PARP12: variants seen among roughly 807,000 people sequenced by gnomAD.
The protein encoded by PARP12 is poly(ADP-ribose) polymerase family member 12, also known as protein mono-ADP-ribosyltransferase PARP12.
Under a neutral mutation model 72.4 loss-of-function variants are expected in PARP12, and 59 were observed. The observed-to-expected ratio is 0.81, with a 90% CI of 0.66 to 1.01. PARP12 has a LOEUF of 1.01. PARP12 is among the 50% of genes least tolerant of loss of function. The pLI is 0.00. For synonymous variants in PARP12, 403 were observed against 371.4 expected (o/e 1.09, Z -0.98); for missense variants, 851 against 914.0 (o/e 0.93, Z 0.89).
rs1253852425 is a variant in PARP12, at chr7:140,062,523, C to T, written c.325G>A (p.Gly109Arg). ...GTCGCTCCCGGCGCGGCGCCTTACC[C>T]GGCTCTCAGGAACTTGCAGGCGCCG... ...VYGACKFLRA[G>R]KNCRNSHSLT... Residue 109 changes from glycine to arginine, a missense_variant and splice_region_variant, in exon 1 of 12, where the codon GGG becomes AGG. Coordinates refer to ENST00000263549, the MANE Select transcript of PARP12 (RefSeq NM_022750.4). 3.9e-6 allele frequency: 6 copies of T among 1,546,894 alleles called. No homozygotes were observed. In the Admixed American group the frequency reaches 9.4e-5, roughly 24 times the overall value.
chr7:140,050,221 T>G (rs1246239616), intron 4 of PARP12, among the ~76,000 whole-genome samples: 3 of 152,048 alleles, frequency 2.0e-5, no homozygotes, highest in African/African-American at 7.3e-5. Flanking sequence ...CATCACAGAT[T>G]CAGAGTCAGA....
intron 3 of PARP12, 72 bp from the exon 4 acceptor site, chr7:140,054,835 T>A: frequency 2.2e-6 from 3 of 1,335,862 alleles, no homozygotes; most frequent in Non-Finnish European, 3.2e-6. Flanking sequence ...GAGGATTCAT[T>A]CAGTTCTCTG....
At chr7:140,053,601 T>C (rs878997672) in intron 4 of PARP12, among the ~76,000 whole-genome samples, 1 of 152,300 alleles carries the variant, frequency 6.6e-6, no homozygotes, top group Admixed American at 6.5e-5. Context: ...TCAGTAATAT[T>C]GCTTTCAGAA....
At position 140,062,509 on chromosome 7, in the gene PARP12, C is replaced by T; in HGVS notation, c.326+13G>A. The stretch of plus-strand genomic sequence containing the variant: ...GACCTCCGCCCGCCGTCGCTCCCGG[C>T]GCGGCGCCTTACCCGGCTCTCAGGA... On this transcript the variant is annotated intron_variant, in intron 1 of 11. Transcript: ENST00000263549. 1.3e-6 allele frequency: 2 copies of T among 1,535,740 alleles called. No individual in the cohort carries two copies. The highest frequency in any genetic ancestry group is 1.7e-6 in the Non-Finnish European group (2 of 1,145,602).
At chr7:140,051,551 C>T (rs1411943026) in intron 4 of PARP12, among the ~76,000 whole-genome samples, 1 of 152,046 alleles carries the variant, frequency 6.6e-6, no homozygotes. Context: ...CCACCACACC[C>T]AGCTAATTTT....
In PARP12 at chr7:140,041,819, GCTGA is replaced by G; in HGVS notation, c.1003_1006del (p.Ser335ProfsTer9). 6.2e-7 allele frequency: 1 copy of G among 1,613,844 alleles called. No individual in the cohort carries two copies. Among genetic ancestry groups the G allele is most frequent in the Non-Finnish European group, 8.5e-7 (1 of 1,179,816 alleles). On this transcript the variant is annotated frameshift_variant, in exon 6 of 12. Transcript: ENST00000263549. LOFTEE classifies it high-confidence loss of function. ...CAGACAATGAGAGTGAAAGGTACTG[GCTGA>G]CTCAGAGCACAGGATCCTACAGAAG...
intron 2 of PARP12, 119 bp from the exon 3 acceptor site, chr7:140,057,272 C>G (rs1037722981): frequency 7.4e-6 from 7 of 950,702 alleles, no homozygotes; most frequent in Non-Finnish European, 1.1e-5. Flanking sequence ...ATCATCCACA[C>G]AGAACACAGC....
chr7:140,036,918 G>A (rs1052839638), intron 7 of PARP12, among the ~76,000 whole-genome samples: 1 of 152,128 alleles, frequency 6.6e-6, no homozygotes, highest in Non-Finnish European at 1.5e-5. Context: ...AAACATTTCA[G>A]CCCCAGCCTC....
intron 9 of PARP12, chr7:140,027,663 G>T: frequency 3.2e-6 from 1 of 316,308 alleles, no homozygotes; most frequent in South Asian, 3.7e-5. Context: ...TGGGAAATTG[G>T]TTTCGTTAGA....
At chr7:140,046,534 T>C (rs186293992) in intron 5 of PARP12, among the ~76,000 whole-genome samples, 61 of 152,368 alleles carry the variant, frequency 4.0e-4, no homozygotes, top group Non-Finnish European at 7.5e-4. Flanking sequence ...TGAGTATAGA[T>C]GTACATGATC....
chr7:140,054,583 T>G, intron 4 of PARP12, 79 bp downstream of exon 4: 2 of 1,208,356 alleles, frequency 1.7e-6, no homozygotes, highest in South Asian at 2.5e-5. Flanking sequence ...TGGTAGGGGG[T>G]GACTTCAGAG....
In PARP12 at chr7:140,026,328, T is replaced by C; in HGVS notation, c.1649A>G (p.Lys550Arg). The C allele has an allele frequency of 6.2e-7, 1 of 1,611,764 alleles. No homozygotes were observed. The highest frequency in any genetic ancestry group is 8.5e-7 in the Non-Finnish European group (1 of 1,179,870). Residue 550 changes from lysine to arginine, a missense_variant, in exon 11 of 12, where the codon AAG becomes AGG. Physicochemically the swap from Lys to Arg is conservative, Grantham distance 26 (BLOSUM62 2). Transcript: ENST00000263549. The stretch of plus-strand genomic sequence containing the variant: ...GTCCACGGCCTTCCCTCCGTTCTGC[T>C]TCTGCATCTGTCCTTTTTGCCTAGA... The part of the protein sequence containing the change: ...VYQWQKGQMQ[K>R]QNGGKAVDER...
chr7:140,050,149 A>T (rs541029569), intron 4 of PARP12, among the ~76,000 whole-genome samples: 1 of 152,220 alleles, frequency 6.6e-6, no homozygotes, highest in African/African-American at 2.4e-5. Flanking sequence ...ATATAAAAAG[A>T]AGAGAGAAAA....
chr7:140,047,803 A>G (rs146240253), intron 4 of PARP12, among the ~76,000 whole-genome samples: 2,536 of 152,110 alleles, frequency 0.017, 31 homozygotes, highest in Non-Finnish European at 0.027. Flanking sequence ...TTTTGTAGAG[A>G]CAAGGTTTCA....
In PARP12 at chr7:140,024,816, A is replaced by G. The variant is rs1290523975; in HGVS notation, c.1850T>C (p.Met617Thr). The change falls in exon 12 of 12, where the codon ATG becomes ACG. Residue 617 changes from methionine to threonine, a missense_variant. By Grantham distance (81) the Met-to-Thr change is moderately conservative. Coordinates refer to ENST00000263549, the MANE Select transcript of PARP12 (RefSeq NM_022750.4). The part of the protein sequence containing the change: ...YSKSDTQTHT[M>T]FLARVLVGEF... ...GCCCACCAGCACCCGGGCCAGGAAC[A>G]TCGTGTGGGTCTGCGTGTCGGATTT... 5 of 1,614,020 alleles carry G rather than the reference A, an allele frequency of 3.1e-6. No homozygotes were observed. The highest frequency in any genetic ancestry group is 1.3e-5 in the African/African-American group (1 of 74,910).
chr7:140,051,493 T>C (rs910200326), intron 4 of PARP12, among the ~76,000 whole-genome samples: 4 of 151,784 alleles, frequency 2.6e-5, no homozygotes, highest in Admixed American at 2.0e-4. Flanking sequence ...CGGGTTCAAG[T>C]GACTTTCCTG....
chr7:140,031,419 T>C (rs1815934446), intron 8 of PARP12, among the ~76,000 whole-genome samples: 1 of 152,290 alleles, frequency 6.6e-6, no homozygotes, highest in African/African-American at 2.4e-5. Flanking sequence ...TACATGACAC[T>C]CCTGTATTAT....
chr7:140,035,683 T>C (rs987280498), intron 7 of PARP12, among the ~76,000 whole-genome samples: 11 of 152,206 alleles, frequency 7.2e-5, no homozygotes, highest in African/African-American at 2.4e-4. Context: ...TGGGCTCTTT[T>C]GTGTGTTTTA....
In PARP12 at chr7:140,062,658, G is replaced by A. The variant is rs1053656600; in HGVS notation, c.190C>T (p.Arg64Cys). 9 of 1,300,192 alleles carry A rather than the reference G, an allele frequency of 6.9e-6. No individual in the cohort carries two copies. In the South Asian group the frequency reaches 1.3e-4, roughly 19 times the overall value. The allele number at this position is 1,300,192 out of a possible 1,614,324, so 80.5% of individuals were successfully genotyped here. The change falls in exon 1 of 12, where the codon CGC becomes TGC. Residue 64 changes from arginine (R) to cysteine (C), a missense_variant. Around this residue, in one of 3 missense-constraint regions of PARP12, gnomAD observed 492 missense variants for 489.3 expected, o/e 1.01. Transcript: ENST00000263549. Reference protein sequence around the residue: ...RAGGAAAAPERVVLAASPLRL... With the variant: ...RAGGAAAAPECVVLAASPLRL... ...AGCGGCGAGGCGGCCAGCACCACGC[G>A]CTCCGGGGCCGCGGCTGCGCCGCCC...
Sources: allele counts gnomAD v4.1 joint callset (sites outside exome capture counted in the v4.1 genomes callset), GRCh38; gene constraint gnomAD v4.1.1; regional missense constraint gnomAD v4.1.1; transcripts MANE v1.5; gene names NCBI Gene and HGNC (gene_info 2026-07-23, HGNC 2026-07-21).